Variants in KLHL29 observed in about 807,000 individuals in gnomAD.
KLHL29 encodes the protein kelch-like protein 29.
A neutral mutation model predicts 80.4 loss-of-function variants in KLHL29; 21 were observed. That is an observed-to-expected ratio of 0.26 (90% CI 0.19 to 0.38). The LOEUF is 0.38. Ranked by LOEUF, KLHL29 falls within the 10% of genes least tolerant of loss-of-function variation. The pLI is 1.00. For synonymous variants in KLHL29, 511 were observed against 526.8 expected (o/e 0.97, Z 0.41); for missense variants, 867 against 1,223.9 (o/e 0.71, Z 4.35).
intron 5 of KLHL29, among the ~76,000 whole-genome samples, chr2:23,677,882 G>A (rs1572488827): frequency 6.6e-6 from 1 of 152,106 alleles, no homozygotes; most frequent in Admixed American, 6.5e-5. Context: ...TCAAATATGT[G>A]TCATACATAC....
At chr2:23,523,973 C>T (rs575705562) in intron 2 of KLHL29, 78 of 471,402 alleles carry the variant, frequency 1.7e-4, no homozygotes, top group Non-Finnish European at 2.4e-4. Flanking sequence ...AGATTCCATG[C>T]GTCTTTCGGG....
rs952143517 is a variant in KLHL29 at position 23,412,117 on chromosome 2, C to T, written c.-154+26337C>T. Among the ~76,000 whole-genome samples the T allele has an allele frequency of 5.5e-3, 121 of 22,186 alleles. 4 individuals carry two copies. The highest frequency in any genetic ancestry group is 8.1e-3 in the Non-Finnish European group (89 of 11,046). The allele number at this position is 22,186 out of a possible 152,430, so 14.6% of individuals were successfully genotyped here. ...TATGTATGTTGCAAAAATGTGTGTG[C>T]GTGAAGGGGGGGGGGGGGCGGTGCG... On this transcript the variant is annotated intron_variant, in intron 1 of 13. Transcript: ENST00000486442.
chr2:23,656,652 G>A (rs113034028), intron 5 of KLHL29, among the ~76,000 whole-genome samples: 7,302 of 152,280 alleles, frequency 0.048, 207 homozygotes, highest in Middle Eastern at 0.078. Context: ...GTCTGTCTGT[G>A]ATGCCCGCTT....
chr2:23,427,334 T>C (rs1214418565), intron 1 of KLHL29, among the ~76,000 whole-genome samples: 1 of 152,224 alleles, frequency 6.6e-6, no homozygotes, highest in African/African-American at 2.4e-5. Flanking sequence ...AATCACTCTT[T>C]TACTGAATGA....
At chr2:23,661,753 G>T (rs1670415198) in intron 5 of KLHL29, among the ~76,000 whole-genome samples, 1 of 152,224 alleles carries the variant, frequency 6.6e-6, no homozygotes, top group East Asian at 1.9e-4. Context: ...GAGTCACTGA[G>T]GCTTGAGGCC....
At chr2:23,426,618 A>T (rs1441654926) in intron 1 of KLHL29, among the ~76,000 whole-genome samples, 1 of 152,238 alleles carries the variant, frequency 6.6e-6, no homozygotes, top group Admixed American at 6.5e-5. Flanking sequence ...GCCCTGGCTC[A>T]CACATACTTT....
Position 23,385,319 on chromosome 2 carries a change from C to A in KLHL29, c.-615C>A, listed in dbSNP as rs1279938188. 1 of 146,352 alleles carries A rather than the reference C, an allele frequency of 6.8e-6. No individual in the cohort carries two copies. The highest frequency in any genetic ancestry group is 2.0e-4 in the East Asian group (1 of 4,994). The allele number at this position is 146,352 out of a possible 1,614,324, so 9.1% of individuals were successfully genotyped here. A position where few individuals can be genotyped will look rare whatever the true frequency, so the allele number is the denominator to read the frequency against. On this transcript the variant is annotated 5_prime_UTR_variant, in exon 1 of 14. Coordinates refer to ENST00000486442, the MANE Select transcript of KLHL29 (RefSeq NM_052920.2). ...GCCCCGGCCCCGGCTCCGCAGCGCC[C>A]GTCCGCAGCCCCGGCGGTCGCCGCG...
At chr2:23,400,605 C>T (rs141240481) in intron 1 of KLHL29, among the ~76,000 whole-genome samples, 10 of 151,668 alleles carry the variant, frequency 6.6e-5, no homozygotes, top group African/African-American at 1.9e-4. Context: ...AAGGTGGGAG[C>T]GTTGCTTGAA....
At chr2:23,574,760 AT>A (rs1572410824) in intron 3 of KLHL29, among the ~76,000 whole-genome samples, 1 of 152,216 alleles carries the variant, frequency 6.6e-6, no homozygotes, top group Non-Finnish European at 1.5e-5. Flanking sequence ...GAATGAATGA[AT>A]ACCCACCATG....
intron 1 of KLHL29, among the ~76,000 whole-genome samples, chr2:23,462,209 T>G (rs1398648030): frequency 1.3e-5 from 2 of 152,112 alleles, no homozygotes; most frequent in African/African-American, 4.8e-5. Context: ...GTATGTAGGC[T>G]TTTAAATACA....
At chr2:23,441,497 TTAA>T (rs1663521556) in intron 1 of KLHL29, among the ~76,000 whole-genome samples, 1 of 135,392 alleles carries the variant, frequency 7.4e-6, no homozygotes, top group Admixed American at 7.3e-5. Context: ...ATAATAATAA[TTAA>T]TAATAAAAGA....
intron 3 of KLHL29, among the ~76,000 whole-genome samples, chr2:23,608,985 A>G (rs1020606555): frequency 2.6e-5 from 4 of 152,218 alleles, no homozygotes; most frequent in African/African-American, 7.2e-5. Context: ...GATAATTACA[A>G]TGGAGGTTTA....
chr2:23,394,751 C>T (rs1425184557), intron 1 of KLHL29, among the ~76,000 whole-genome samples: 1 of 152,212 alleles, frequency 6.6e-6, no homozygotes, highest in Non-Finnish European at 1.5e-5. Context: ...TAAAGAGACT[C>T]ACCAGTATGA....
chr2:23,408,237 A>G (rs1006134210), intron 1 of KLHL29, among the ~76,000 whole-genome samples: 1 of 130,282 alleles, frequency 7.7e-6, no homozygotes, highest in African/African-American at 2.8e-5. Flanking sequence ...TGTATAGCCC[A>G]GAGGAAATTT....
At chr2:23,601,468 T>G (rs971971367) in intron 3 of KLHL29, among the ~76,000 whole-genome samples, 1 of 152,192 alleles carries the variant, frequency 6.6e-6, no homozygotes, top group African/African-American at 2.4e-5. Context: ...GCATGTGTAT[T>G]CAAGCCTCCC....
chr2:23,594,191 A>G (rs1215880572), intron 3 of KLHL29, among the ~76,000 whole-genome samples: 1 of 152,032 alleles, frequency 6.6e-6, no homozygotes, highest in Non-Finnish European at 1.5e-5. Flanking sequence ...TGCCTTGTTT[A>G]CCAGACCGGC....
chr2:23,514,654 T>C (rs72849019), intron 2 of KLHL29, among the ~76,000 whole-genome samples: 3,138 of 152,254 alleles, frequency 0.021, 103 homozygotes, highest in African/African-American at 0.07. Flanking sequence ...TGTCAGTCAG[T>C]AAATGGATGA....
intron 1 of KLHL29, among the ~76,000 whole-genome samples, chr2:23,452,517 G>A (rs1443569879): frequency 6.6e-6 from 1 of 152,126 alleles, no homozygotes; most frequent in African/African-American, 2.4e-5. Context: ...GCTGAGAAAA[G>A]TGACATCTGC....
intron 2 of KLHL29, among the ~76,000 whole-genome samples, chr2:23,497,035 G>T (rs1018256495): frequency 6.7e-6 from 1 of 149,246 alleles, no homozygotes; most frequent in Non-Finnish European, 1.5e-5. Context: ...AACCATATAA[G>T]AATCACGAGT....
Sources: gnomAD v4.1 joint callset for allele counts (sites outside exome capture counted in the v4.1 genomes callset) on GRCh38, gnomAD v4.1.1 for gene constraint, MANE v1.5 for transcripts, NCBI Gene and HGNC (gene_info 2026-07-23, HGNC 2026-07-21) for gene names.